Variants in INTS1 observed in about 807,000 individuals in gnomAD.
INTS1 encodes the protein integrator complex subunit 1.
A neutral mutation model predicts 241.6 loss-of-function variants in INTS1; 137 were observed. The ratio of observed to expected loss-of-function variants is 0.57; its 90% confidence interval spans 0.49 to 0.65. INTS1 has a LOEUF of 0.65. INTS1 is among the 30% of genes least tolerant of loss of function. The pLI is 0.00. For synonymous variants in INTS1, 1,692 were observed against 1,337.8 expected, an observed-to-expected ratio of 1.26 and a Z score of -5.78; for missense variants, 3,073 against 3,032.2, an observed-to-expected ratio of 1.01 and a Z score of -0.32.
intron 21 of INTS1, 54 bp downstream of exon 21, chr7:1,486,868 C>A (rs1782291960): frequency 7.8e-6 from 12 of 1,530,078 alleles, no homozygotes; most frequent in Non-Finnish European, 9.7e-6. Context: ...ATGGGTTGCC[C>A]TGACAGGGGT....
intron 16 of INTS1, among the ~76,000 whole-genome samples, chr7:1,491,543 G>A (rs756597724): frequency 6.6e-6 from 1 of 152,232 alleles, no homozygotes; most frequent in Non-Finnish European, 1.5e-5. Flanking sequence ...TAGTTTCTTA[G>A]ACATGACACA....
At position 1,481,487 on chromosome 7, in the gene INTS1, G is replaced by C. The variant is rs200579639; in HGVS notation, c.3705C>G (p.Ala1235=). ...RSEVLRLVDA[A]LQDLEPQQLL... ...GCTGCTGCGGCTCCAGGTCCTGCAG[G>C]GCTGAGGGTGCACGCGCTCCGTAAC... Residue 1235 remains alanine, a splice_region_variant and synonymous_variant, in exon 28 of 48, where the codon GCC becomes GCG. Coordinates refer to ENST00000404767, the MANE Select transcript of INTS1 (RefSeq NM_001080453.3). This position sits in a 1 kb window ranked among gnomAD's most constrained non-coding sequence, Gnocchi z 6.8. 1.3e-4 allele frequency: 210 copies of C among 1,607,248 alleles called. No individual in the cohort carries two copies. Among genetic ancestry groups the C allele is most frequent in the Non-Finnish European group, 1.7e-4 (200 of 1,176,988 alleles).
Position 1,487,902 on chromosome 7 carries a change from G to C in INTS1, c.2374C>G (p.Leu792Val), listed in dbSNP as rs760996221. Residue 792 changes from leucine (L) to valine (V), a missense_variant, in exon 19 of 48, where the codon CTG (leucine) becomes GTG (valine). By Grantham distance (32) the Leu-to-Val change is conservative. Coordinates refer to ENST00000404767, the MANE Select transcript of INTS1 (RefSeq NM_001080453.3). ...TGGGCGGTCTGCAGCTCACGGTTCA[G>C]CATCTCCGTCCGGGTCTCCTCATCC... is the stretch of plus-strand genomic sequence containing the variant. The part of the protein sequence containing the change: ...LTDEETRTEM[L>V]NRELQTAQRE... The C allele has an allele frequency of 6.2e-7, 1 of 1,613,536 alleles. No homozygotes were observed.
intron 3 of INTS1, 142 bp downstream of exon 3, chr7:1,502,759 C>A (rs1462688770): frequency 3.2e-6 from 3 of 925,294 alleles, no homozygotes; most frequent in Non-Finnish European, 5.1e-6. Flanking sequence ...GAAGCACTTC[C>A]AAGAACAAGC....
At chr7:1,499,213 C>T in intron 7 of INTS1, 42 bp downstream of exon 7, 1 of 1,604,102 alleles carries the variant, frequency 6.2e-7, no homozygotes. Context: ...GAGGCGCCCG[C>T]CCCCGCCGCC....
chr7:1,475,286 G>A (rs1781657894), intron 39 of INTS1, among the ~76,000 whole-genome samples: 1 of 152,082 alleles, frequency 6.6e-6, no homozygotes, highest in Non-Finnish European at 1.5e-5. Context: ...TCGGGAGGCT[G>A]AGGTGGGAGG....
intron 8 of INTS1, 23 bp from the exon 9 acceptor site, chr7:1,498,875 G>A (rs890645404): frequency 2.5e-6 from 4 of 1,581,138 alleles, no homozygotes; most frequent in East Asian, 2.3e-5. Flanking sequence ...GGAGGGAGCA[G>A]TGGGCTCACG....
intron 3 of INTS1, among the ~76,000 whole-genome samples, chr7:1,501,620 A>G (rs1562524882): frequency 6.6e-6 from 1 of 152,190 alleles, no homozygotes. Flanking sequence ...AGATAAATAA[A>G]GCACCGAGCC....
intron 5 of INTS1, 105 bp downstream of exon 5, chr7:1,499,779 T>G: frequency 6.8e-7 from 1 of 1,478,746 alleles, no homozygotes; most frequent in Non-Finnish European, 9.1e-7. Context: ...CCACCAGGGC[T>G]GTCAGACACA....
At chr7:1,492,433 G>A (rs998376335) in intron 16 of INTS1, among the ~76,000 whole-genome samples, 13 of 152,122 alleles carry the variant, frequency 8.5e-5, no homozygotes, top group African/African-American at 2.9e-4. Context: ...CGTGGGCTGC[G>A]CTGGGAGGAA....
At position 1,497,147 on chromosome 7, in the gene INTS1, C is replaced by T. The variant is rs980611729; in HGVS notation, c.1593G>A (p.Met531Ile). 3.7e-6 allele frequency: 6 copies of T among 1,604,530 alleles called. No individual in the cohort carries two copies. The highest frequency in any genetic ancestry group is 5.1e-6 in the Non-Finnish European group (6 of 1,176,838). Residue 531 changes from methionine to isoleucine, a missense_variant, in exon 11 of 48, where the codon ATG (methionine) becomes ATA (isoleucine). Met to Ile is a conservative substitution (Grantham distance 10). Coordinates refer to ENST00000404767, the MANE Select transcript of INTS1 (RefSeq NM_001080453.3). The surrounding 1 kb of genome is among the most constrained non-coding windows in gnomAD (Gnocchi z 5.3). The stretch of plus-strand genomic sequence containing the variant: ...CGGCGAGGGCTGGCACCTTGAACTC[C>T]ATCTCCAGGTACTGCGGCTCCTTGC... ...QERKEPQYLE[M>I]EFKERFVVHI...
At position 1,477,634 on chromosome 7, in the gene INTS1, T is replaced by C; in HGVS notation, c.4854A>G (p.Leu1618=). Residue 1618 remains leucine (L), a synonymous_variant, in exon 35 of 48, where the codon CTA becomes CTG. Transcript: ENST00000404767. ...GGTCCAGCATTTCCAGCCAGTCCAC[T>C]AGGAGGCCTGACGAGGGCCCCAGCC... ...AVRLGPSSGL[L]VDWLEMLDPE... 2.5e-6 allele frequency: 4 copies of C among 1,589,638 alleles called. No homozygotes were observed. The South Asian group carries it at 4.6e-5, about 18-fold the overall frequency.
At position 1,498,952 on chromosome 7, in the gene INTS1, ACCC is replaced by A; in HGVS notation, c.1137+20_1137+22del. 1 of 974,102 alleles carries A rather than the reference ACCC, an allele frequency of 1.0e-6. No individual in the cohort carries two copies. 60.3% of individuals were successfully genotyped at this position (974,102 alleles called of 1,614,324 possible). On this transcript the variant is annotated intron_variant, in intron 8 of 47. Coordinates refer to ENST00000404767, the MANE Select transcript of INTS1 (RefSeq NM_001080453.3). ...CCTGCCCCCACCCCCTGCCCCGCCCACCCCCCCGGGGCGCCCCCGCACCTTGGG... is the reference window on the plus strand; with the variant it reads ...CCTGCCCCCACCCCCTGCCCCGCCCACCCCGGGGCGCCCCCGCACCTTGGG...
At chr7:1,501,756 C>A (rs545091018) in intron 3 of INTS1, among the ~76,000 whole-genome samples, 2 of 152,276 alleles carry the variant, frequency 1.3e-5, no homozygotes, top group East Asian at 3.9e-4. Context: ...AGCAGTCCCC[C>A]AGCTGTGCCA....
Position 1,493,863 on chromosome 7 carries a change from C to A in INTS1, c.1959G>T (p.Leu653=). ...CSEVPILEDT[L]MRILVIGLSR... The stretch of plus-strand genomic sequence containing the variant: ...ACAGCCCGATGACCAGGATGCGCAT[C>A]AGCGTGTCCTCCAAAATGGGCACCT... Residue 653 remains leucine (L), a synonymous_variant, in exon 15 of 48, where the codon CTG becomes CTT. Transcript: ENST00000404767. The surrounding 1 kb of genome is among the most constrained non-coding windows in gnomAD (Gnocchi z 5.3). 1 of 1,566,910 alleles carries A rather than the reference C, an allele frequency of 6.4e-7. No homozygotes were observed. The highest frequency in any genetic ancestry group is 8.6e-7 in the Non-Finnish European group (1 of 1,156,620).
intron 29 of INTS1, 106 bp from the exon 30 acceptor site, chr7:1,480,547 G>C (rs1173717016): frequency 3.8e-6 from 5 of 1,306,196 alleles, no homozygotes; most frequent in Non-Finnish European, 4.2e-6. Context: ...TGTCACCCAG[G>C]AGGAAGAGCT....
rs570227605 is a variant in INTS1 at position 1,473,827 on chromosome 7, C to T, written c.5830-134G>A. On this transcript the variant is annotated intron_variant, in intron 41 of 47. Coordinates refer to ENST00000404767, the MANE Select transcript of INTS1 (RefSeq NM_001080453.3). ...GAGCCCCCTCTGCCAACCACTGGGG[C>T]GTCACAGGCCCAAGGGTGGCCGGCA... 1.9e-4 allele frequency: 221 copies of T among 1,138,932 alleles called. 1 individual carries two copies. The African/African-American group carries it at 3.0e-3, about 16-fold the overall frequency. The allele number at this position is 1,138,932 out of a possible 1,614,324, so 70.6% of individuals were successfully genotyped here.
chr7:1,501,939 G>A (rs1010869468), intron 3 of INTS1, among the ~76,000 whole-genome samples: 5 of 152,058 alleles, frequency 3.3e-5, no homozygotes, highest in Non-Finnish European at 5.9e-5. Context: ...TGCCTGCCCC[G>A]GTTTCATCGC....
chr7:1,476,628 AG>A lies in INTS1; in HGVS notation c.5092del (p.Leu1698SerfsTer41). 3 of 1,612,592 alleles carry A rather than the reference AG, an allele frequency of 1.9e-6. No individual in the cohort carries two copies. The highest frequency in any genetic ancestry group is 2.2e-5 in the East Asian group (1 of 44,854). ...RFDPSASLDF[L>X]WACIHVPRIW... ...GCGAGGAACATGGATGCAGGCCCAG[AG>A]GAAGTCCAGAGAGGCAGAGGGGTCG... On this transcript the variant is annotated frameshift_variant, in exon 37 of 48. Transcript: ENST00000404767. LOFTEE classifies it high-confidence loss of function.
Sources: gnomAD v4.1 joint callset for allele counts (sites outside exome capture counted in the v4.1 genomes callset) on GRCh38, gnomAD v4.1.1 for gene constraint, Gnocchi (gnomAD v3.1) non-coding constraint, MANE v1.5 for transcripts, NCBI Gene and HGNC (gene_info 2026-07-23, HGNC 2026-07-21) for gene names.